Variants in JAKMIP2 observed in about 807,000 individuals in gnomAD.
JAKMIP2 encodes janus kinase and microtubule-interacting protein 2.
JAKMIP2 carries 25 observed loss-of-function variants against 115.0 expected under a neutral mutation model. The ratio of observed to expected loss-of-function variants is 0.22; its 90% CI spans 0.16 to 0.30. The LOEUF (loss-of-function observed/expected upper bound fraction) is 0.30. Among genes scored for constraint, JAKMIP2 ranks in the 10% least tolerant of loss-of-function variants. The pLI is 1.00. For missense variants in JAKMIP2, 642 were observed against 957.6 expected (o/e 0.67, Z 4.35); for synonymous variants, 334 against 343.6 (o/e 0.97, Z 0.31).
At chr5:147,751,720 T>A (rs1754568589) in intron 1 of JAKMIP2, among the ~76,000 whole-genome samples, 1 of 152,126 alleles carries the variant, frequency 6.6e-6, no homozygotes, top group Non-Finnish European at 1.5e-5. Flanking sequence ...AAATTCTTTC[T>A]GGTCGAAAAA....
intron 1 of JAKMIP2, among the ~76,000 whole-genome samples, chr5:147,781,137 G>A (rs899476280): frequency 3.3e-5 from 5 of 152,084 alleles, no homozygotes; most frequent in East Asian, 3.9e-4. Flanking sequence ...TCTCCTGCTC[G>A]CTTTGCTCAC....
At chr5:147,611,318 G>A (rs1219963312) in intron 20 of JAKMIP2, among the ~76,000 whole-genome samples, 1 of 152,144 alleles carries the variant, frequency 6.6e-6, no homozygotes, top group African/African-American at 2.4e-5. Flanking sequence ...TGTGGTGTAG[G>A]CACCTGAGGG....
Position 147,780,937 on chromosome 5 carries a change from T to A in JAKMIP2, c.-149+1519A>T, listed in dbSNP as rs142584266. Among the ~76,000 whole-genome samples, 562 of 152,300 alleles carry A rather than the reference T, an allele frequency of 3.7e-3. 3 individuals are homozygous for A. Among genetic ancestry groups the A allele is most frequent in the African/African-American group, 0.013 (526 of 41,564 alleles). ...TAAATGTAATATTACTAATACACTT[T>A]ACCTACATAATTTTTTCTGGCTTTA... is the stretch of plus-strand genomic sequence containing the variant. On this transcript the variant is annotated intron_variant, in intron 1 of 21. Transcript: ENST00000616793.
intron 7 of JAKMIP2, 65 bp downstream of exon 7, chr5:147,643,993 T>C: frequency 1.5e-6 from 2 of 1,343,632 alleles, no homozygotes; most frequent in Non-Finnish European, 2.0e-6. Flanking sequence ...CTGCTTTCAG[T>C]GTATATTTTG....
rs1226551991 is a variant in JAKMIP2, at chr5:147,764,916, AAGAAAGAG to A, written c.-149+17532_-149+17539del. The stretch of plus-strand genomic sequence containing the variant: ...AAAGAAAGAAAGAAAGAAAGAAAGA[AAGAAAGAG>A]AGAGAGAGAGAGAGAGAGAGAGGGA... On this transcript the variant is annotated intron_variant, in intron 1 of 21. Coordinates refer to ENST00000616793, the MANE Select transcript of JAKMIP2 (RefSeq NM_001270941.2). Among the ~76,000 whole-genome samples the A allele has an allele frequency of 2.5e-3, 208 of 84,444 alleles. 4 individuals carry two copies. The highest frequency in any genetic ancestry group is 0.011 in the South Asian group (24 of 2,220). The allele number at this position is 84,444 out of a possible 152,430, so 55.4% of individuals were successfully genotyped here.
chr5:147,745,855 A>C (rs1754329744), intron 1 of JAKMIP2, among the ~76,000 whole-genome samples: 1 of 152,184 alleles, frequency 6.6e-6, no homozygotes. Context: ...TCTGAGTCTC[A>C]GATTCTTCAT....
At chr5:147,771,287 T>A (rs188634825) in intron 1 of JAKMIP2, among the ~76,000 whole-genome samples, 1 of 152,198 alleles carries the variant, frequency 6.6e-6, no homozygotes, top group Admixed American at 6.5e-5. Flanking sequence ...TTGACCTCAA[T>A]ATGCCTTAGT....
At chr5:147,592,934 C>A (rs1755169423) in intron 21 of JAKMIP2, among the ~76,000 whole-genome samples, 1 of 152,100 alleles carries the variant, frequency 6.6e-6, no homozygotes, top group South Asian at 2.1e-4. Flanking sequence ...GGAAGAGTGA[C>A]AGAGTCACAG....
intron 1 of JAKMIP2, among the ~76,000 whole-genome samples, chr5:147,739,123 G>A (rs1181790297): frequency 1.3e-5 from 2 of 152,108 alleles, no homozygotes; most frequent in Non-Finnish European, 2.9e-5. Flanking sequence ...CTGGTGAGGG[G>A]CTTGAATGAG....
At chr5:147,691,189 T>G (rs1392710788) in intron 1 of JAKMIP2, among the ~76,000 whole-genome samples, 2 of 152,066 alleles carry the variant, frequency 1.3e-5, no homozygotes, top group Non-Finnish European at 2.9e-5. Flanking sequence ...GAGAAAACAC[T>G]GTTACCCATA....
intron 8 of JAKMIP2, among the ~76,000 whole-genome samples, chr5:147,641,468 C>CCATTTAGAGAAAGTTATATT (rs1423711208): frequency 6.6e-6 from 1 of 152,142 alleles, no homozygotes; most frequent in Non-Finnish European, 1.5e-5. Flanking sequence ...AGGGGCATCT[C>CCATTTAGAGAAAGTTATATT]CATTTAGAGA....
chr5:147,721,538 G>T (rs1248387109), intron 1 of JAKMIP2, among the ~76,000 whole-genome samples: 1 of 151,810 alleles, frequency 6.6e-6, no homozygotes, highest in Non-Finnish European at 1.5e-5. Flanking sequence ...CAGGTGCGGG[G>T]TATAATCTCG....
At chr5:147,628,721 A>C (rs749156236) in intron 16 of JAKMIP2, 30 bp downstream of exon 16, 2 of 1,578,806 alleles carry the variant, frequency 1.3e-6, no homozygotes, top group Non-Finnish European at 1.7e-6. Context: ...AGACACCGAG[A>C]TGATTTGAAA....
chr5:147,766,513 C>CCACTGTGT (rs1755163582), intron 1 of JAKMIP2, among the ~76,000 whole-genome samples: 1 of 152,068 alleles, frequency 6.6e-6, no homozygotes, highest in East Asian at 1.9e-4. Flanking sequence ...TTGTGCCTTT[C>CCACTGTGT]CACTGTGTCA....
intron 12 of JAKMIP2, among the ~76,000 whole-genome samples, chr5:147,634,670 G>C (rs1470305289): frequency 6.6e-6 from 1 of 152,116 alleles, no homozygotes; most frequent in South Asian, 2.1e-4. Context: ...GAAAGCACCA[G>C]TTCTCGATTT....
At chr5:147,660,890 G>A (rs961229532) in intron 3 of JAKMIP2, 58 bp downstream of exon 3, 10 of 1,568,656 alleles carry the variant, frequency 6.4e-6, no homozygotes, top group South Asian at 1.2e-5. Flanking sequence ...ACCCCACAGC[G>A]CTCTGAAACC....
chr5:147,742,155 AT>A (rs755006646), intron 1 of JAKMIP2, among the ~76,000 whole-genome samples: 2 of 108,880 alleles, frequency 1.8e-5, no homozygotes, highest in African/African-American at 7.6e-5. Flanking sequence ...ATATATATAT[AT>A]TTTTTTTACT....
intron 1 of JAKMIP2, among the ~76,000 whole-genome samples, chr5:147,727,815 T>C (rs1226670564): frequency 6.6e-6 from 1 of 152,046 alleles, no homozygotes; most frequent in African/African-American, 2.4e-5. Context: ...GATTGTGTTT[T>C]TCTGGAAAAA....
chr5:147,763,106 A>G (rs1265963300), intron 1 of JAKMIP2, among the ~76,000 whole-genome samples: 1 of 152,146 alleles, frequency 6.6e-6, no homozygotes, highest in Non-Finnish European at 1.5e-5. Flanking sequence ...AGACTACTCC[A>G]GTTCCAAACA....
Sources: allele counts gnomAD v4.1 joint callset (sites outside exome capture counted in the v4.1 genomes callset), GRCh38; gene constraint gnomAD v4.1.1; transcripts MANE v1.5; gene names NCBI Gene and HGNC (gene_info 2026-07-23, HGNC 2026-07-21).